CIT: variants seen among roughly 807,000 people sequenced by gnomAD.
CIT encodes the protein citron rho-interacting serine/threonine kinase.
In CIT, 79 loss-of-function variants were observed where a neutral mutation model predicts 272.7. That is an observed-to-expected ratio of 0.29 (90% CI 0.24 to 0.35). CIT has a LOEUF of 0.35. Among genes scored for constraint, CIT ranks in the 10% least tolerant of loss-of-function variants. The pLI is 1.00. For missense variants in CIT, 1,909 were observed against 2,618.3 expected, an observed-to-expected ratio of 0.73 and a Z score of 5.91; for synonymous variants, 948 against 995.6, an observed-to-expected ratio of 0.95 and a Z score of 0.90.
intron 13 of CIT, among the ~76,000 whole-genome samples, chr12:119,777,735 C>G (rs1026250592): frequency 6.6e-6 from 1 of 151,790 alleles, no homozygotes; most frequent in African/African-American, 2.4e-5. Flanking sequence ...GCAAAACCAC[C>G]GGGAACACAC....
At chr12:119,799,950 C>T (rs1346460168) in intron 10 of CIT, among the ~76,000 whole-genome samples, 1 of 151,818 alleles carries the variant, frequency 6.6e-6, no homozygotes, top group African/African-American at 2.4e-5. Context: ...TGGACACCCC[C>T]GTTCTAGAGT....
At chr12:119,693,334 C>T (rs1044533795) in intron 46 of CIT, among the ~76,000 whole-genome samples, 3 of 152,228 alleles carry the variant, frequency 2.0e-5, no homozygotes, top group African/African-American at 7.2e-5. Context: ...TCTACATTCT[C>T]AACTGCCCAA....
chr12:119,700,941 C>G, intron 43 of CIT, 116 bp from the exon 44 acceptor site: 1 of 732,682 alleles, frequency 1.4e-6, no homozygotes, highest in South Asian at 1.7e-5. Flanking sequence ...CCAGATGGGA[C>G]TGACTGTGAA....
intron 2 of CIT, among the ~76,000 whole-genome samples, chr12:119,875,144 A>T (rs539295557): frequency 2.1e-4 from 32 of 152,102 alleles, no homozygotes; most frequent in Non-Finnish European, 4.1e-4. Context: ...CTCTACAAAA[A>T]ATACAAAAAT....
At position 119,718,979 on chromosome 12, in the gene CIT, T is replaced by A. The variant is rs1007695654; in HGVS notation, c.3841-118A>T. 38 of 979,374 alleles carry A rather than the reference T, an allele frequency of 3.9e-5. No homozygotes were observed. The highest frequency in any genetic ancestry group is 1.3e-4 in the Admixed American group (5 of 39,936). 60.7% of individuals were successfully genotyped at this position (979,374 alleles called of 1,614,324 possible). The stretch of plus-strand genomic sequence containing the variant: ...AAGCCAGGAGCATACTCACTGTAAG[T>A]GTATTTAGTAAAAATGGCATGTGAA... On this transcript the variant is annotated intron_variant, in intron 30 of 47. Transcript: ENST00000392521. This position sits in a 1 kb window ranked among gnomAD's most constrained non-coding sequence, Gnocchi z 4.8.
chr12:119,811,183 G>A (rs955268201), intron 9 of CIT, among the ~76,000 whole-genome samples: 12 of 152,032 alleles, frequency 7.9e-5, no homozygotes, highest in South Asian at 2.1e-4. Context: ...AAAATTAGCC[G>A]GGTGTGGTGA....
chr12:119,813,985 G>A (rs1490387719), intron 9 of CIT, among the ~76,000 whole-genome samples: 2 of 152,110 alleles, frequency 1.3e-5, no homozygotes, highest in Admixed American at 1.3e-4. Context: ...TGGTCACTGG[G>A]AGACTGAGAG....
intron 24 of CIT, among the ~76,000 whole-genome samples, chr12:119,737,898 G>A (rs533238467): frequency 4.2e-4 from 64 of 152,186 alleles, no homozygotes; most frequent in East Asian, 1.9e-3. Context: ...GATATTAAAC[G>A]TTGGACACAC....
rs751329202 is a variant in CIT, at chr12:119,770,748, G to C, written c.2208+37C>G. 6.2e-7 allele frequency: 1 copy of C among 1,612,116 alleles called. No homozygotes were observed. The highest frequency in any genetic ancestry group is 8.5e-7 in the Non-Finnish European group (1 of 1,179,432). ...CCCTTCCCTTTGCAAACTCTAACCT[G>C]TTATCTTTTAACTTTGCGACTTTCA... On this transcript the variant is annotated intron_variant, in intron 18 of 47. Coordinates refer to ENST00000392521, the MANE Select transcript of CIT (RefSeq NM_001206999.2). The surrounding 1 kb of genome is among the most constrained non-coding windows in gnomAD (Gnocchi z 4.4).
At chr12:119,735,460 C>T in intron 24 of CIT, 103 bp from the exon 25 acceptor site, 6 of 1,120,800 alleles carry the variant, frequency 5.4e-6, no homozygotes, top group Non-Finnish European at 8.0e-6. Flanking sequence ...CACTGGCAAT[C>T]AACGTGCCGC....
chr12:119,714,282 G>A lies in CIT; in HGVS notation c.4221C>T (p.Phe1407=). The change falls in exon 33 of 48, where the codon TTC becomes TTT. Residue 1407 remains phenylalanine, a synonymous_variant. Coordinates refer to ENST00000392521, the MANE Select transcript of CIT (RefSeq NM_001206999.2). The part of the protein sequence containing the change: ...ERMHHNIPHR[F]NVGLNMRATK... Reference sequence around the variant, plus strand: ...TGGCTCGCATGTTCAGTCCTACGTTGAATCGGTGAGGAATATTGTGGTGCA... The same window carrying A: ...TGGCTCGCATGTTCAGTCCTACGTTAAATCGGTGAGGAATATTGTGGTGCA... 2 of 1,614,122 alleles carry A rather than the reference G, an allele frequency of 1.2e-6. No homozygotes were observed. The highest frequency in any genetic ancestry group is 8.5e-7 in the Non-Finnish European group (1 of 1,180,004).
chr12:119,863,012 G>A (rs1231806248), intron 3 of CIT, among the ~76,000 whole-genome samples: 1 of 148,796 alleles, frequency 6.7e-6, no homozygotes, highest in African/African-American at 2.5e-5. Context: ...AGACCAGCGT[G>A]GCCAGCATGG....
Position 119,819,887 on chromosome 12 carries a change from C to T in CIT, c.1111+2933G>A, listed in dbSNP as rs551240985. 3.3e-5 allele frequency among the ~76,000 whole-genome samples: 5 copies of T among 152,282 alleles called. No individual in the cohort carries two copies. In the East Asian group the frequency reaches 7.7e-4, roughly 23 times the overall value. The stretch of plus-strand genomic sequence containing the variant: ...ATCTCTGAGTTGATTGCAAATAATG[C>T]AGGGATCAGAGGTTGGTGAAAAACA... On this transcript the variant is annotated intron_variant, in intron 9 of 47. Coordinates refer to ENST00000392521, the MANE Select transcript of CIT (RefSeq NM_001206999.2).
intron 19 of CIT, 112 bp downstream of exon 19, chr12:119,766,975 A>C: frequency 1.8e-6 from 1 of 564,634 alleles, no homozygotes; most frequent in East Asian, 3.1e-5. Flanking sequence ...GACATTATTC[A>C]CCCCAAACAG....
At chr12:119,715,630 A>G (rs767497114) in intron 32 of CIT, among the ~76,000 whole-genome samples, 12 of 152,174 alleles carry the variant, frequency 7.9e-5, no homozygotes, top group Non-Finnish European at 8.8e-5. Context: ...GGGTTACACA[A>G]CCCTGTAAAC....
chr12:119,726,011 C>CGTGTGTGTGTGTGTGTGTGTGTGTGT (rs3999591), intron 28 of CIT, among the ~76,000 whole-genome samples: 1 of 149,904 alleles, frequency 6.7e-6, no homozygotes, highest in African/African-American at 2.5e-5. Flanking sequence ...ACCAAATATA[C>CGTGTGTGTGTGTGTGTGTGTGTGTGT]GTGTGTGTGT....
At position 119,834,321 on chromosome 12, in the gene CIT, TAA is replaced by T. The variant is rs1566105771; in HGVS notation, c.517-95_517-94del. The T allele has an allele frequency of 6.0e-6, 7 of 1,167,934 alleles. No homozygotes were observed. In the South Asian group the frequency reaches 9.2e-5, roughly 15 times the overall value. 72.3% of individuals were successfully genotyped at this position (1,167,934 alleles called of 1,614,324 possible). On this transcript the variant is annotated intron_variant, in intron 5 of 47. Transcript: ENST00000392521. ...TCGAATATCACCTGACGTGTTATAA[TAA>T]CAAGGTCTCCACAAAGCAAAGAAGA...
rs149934053 is a variant in CIT at position 119,745,942 on chromosome 12, T to C, written c.2905-3478A>G. On this transcript the variant is annotated intron_variant, in intron 23 of 47. Transcript: ENST00000392521. ...ATTCTATGGACTAATTTAACAGATC[T>C]TAATTTTTTTTCTAAAAATCTACCT... is the stretch of plus-strand genomic sequence containing the variant. 9.7e-3 allele frequency among the ~76,000 whole-genome samples: 1,476 copies of C among 152,338 alleles called. 12 individuals carry two copies. Among genetic ancestry groups the C allele is most frequent in the South Asian group, 0.02 (96 of 4,832 alleles).
intron 9 of CIT, among the ~76,000 whole-genome samples, chr12:119,812,905 A>C (rs1966866200): frequency 6.6e-6 from 1 of 152,202 alleles, no homozygotes; most frequent in African/African-American, 2.4e-5. Flanking sequence ...TTTTACTAGA[A>C]GGTAGAATTA....
Sources: allele counts gnomAD v4.1 joint callset (sites outside exome capture counted in the v4.1 genomes callset), GRCh38; gene constraint gnomAD v4.1.1; non-coding constraint Gnocchi (gnomAD v3.1); transcripts MANE v1.5; gene names NCBI Gene and HGNC (gene_info 2026-07-23, HGNC 2026-07-21).